ARMC2: variants seen among roughly 807,000 people sequenced by gnomAD.
ARMC2 encodes armadillo repeat-containing protein 2.
In ARMC2, 67 loss-of-function variants were observed where a neutral mutation model predicts 90.3. The ratio of observed to expected loss-of-function variants is 0.74; its 90% confidence interval spans 0.61 to 0.91. The LOEUF (loss-of-function observed/expected upper bound fraction) is 0.91. Ranked by LOEUF, ARMC2 falls within the 40% of genes least tolerant of loss-of-function variation. The probability of loss-of-function intolerance (pLI) is 0.00; values close to 1 mark genes in which losing one functional copy is unlikely to be tolerated. For synonymous variants in ARMC2, 393 were observed against 393.0 expected (o/e 1.00, Z 0.00); for missense variants, 920 against 1,030.9 (o/e 0.89, Z 1.47).
downstream of ARMC2, among the ~76,000 whole-genome samples, chr6:108,975,089 A>G (rs1778959029): frequency 6.6e-6 from 1 of 151,418 alleles, no homozygotes; most frequent in South Asian, 2.1e-4. Flanking sequence ...CATGTGCCGT[A>G]GTGGTTTGTT....
chr6:109,051,282 T>G, the ARMC2 span, among the ~76,000 whole-genome samples: 1 of 152,166 alleles, frequency 6.6e-6, no homozygotes, highest in Non-Finnish European at 1.5e-5. Context: ...AGGATCAGAA[T>G]ATTATAAAGA....
intron 17 of ARMC2, among the ~76,000 whole-genome samples, chr6:108,966,253 A>G (rs146106829): frequency 2.0e-4 from 30 of 151,750 alleles, no homozygotes; most frequent in African/African-American, 6.8e-4. Context: ...CACTAACCAG[A>G]GCAGAGGCTC....
At chr6:108,921,919 A>G (rs769966635) in intron 10 of ARMC2, among the ~76,000 whole-genome samples, 3 of 152,186 alleles carry the variant, frequency 2.0e-5, no homozygotes, top group Non-Finnish European at 4.4e-5. Flanking sequence ...TGCCAAATAG[A>G]GTAGGGAGGC....
the ARMC2 span, among the ~76,000 whole-genome samples, chr6:109,048,653 T>G: frequency 6.6e-6 from 1 of 152,192 alleles, no homozygotes; most frequent in African/African-American, 2.4e-5. Flanking sequence ...GGAGAATTTT[T>G]TTTATGTCAA....
At chr6:108,910,057 T>A (rs1397833184) in intron 8 of ARMC2, among the ~76,000 whole-genome samples, 1 of 152,216 alleles carries the variant, frequency 6.6e-6, no homozygotes, top group Admixed American at 6.5e-5. Flanking sequence ...TTGGTATTCA[T>A]CTTCCTCTAC....
chr6:108,952,962 A>G (rs1261832034), intron 12 of ARMC2, 71 bp from the exon 13 acceptor site: 13 of 1,359,844 alleles, frequency 9.6e-6, no homozygotes, highest in Non-Finnish European at 1.2e-5. Flanking sequence ...AATAAATTAA[A>G]TACTATCTTC....
At chr6:108,991,078 AC>A in the ARMC2 span, among the ~76,000 whole-genome samples, 11,282 of 149,278 alleles carry the variant, frequency 0.076, 584 homozygotes, top group South Asian at 0.16. Context: ...AAAAAAAACA[AC>A]AACAAAAAAA....
the ARMC2 span, among the ~76,000 whole-genome samples, chr6:109,006,424 A>G: frequency 6.6e-6 from 1 of 151,148 alleles, no homozygotes; most frequent in African/African-American, 2.4e-5. Context: ...CATTAGGTAT[A>G]TCTCCTAATG....
At chr6:109,002,300 C>CT in the ARMC2 span, 1 of 1,613,370 alleles carries the variant, frequency 6.2e-7, no homozygotes, top group Non-Finnish European at 8.5e-7. Context: ...GATGAATCTG[C>CT]TTGGTCCCTG....
chr6:108,881,023 T>C (rs1466710413), intron 5 of ARMC2, among the ~76,000 whole-genome samples: 1 of 151,970 alleles, frequency 6.6e-6, no homozygotes, highest in Non-Finnish European at 1.5e-5. Context: ...GCCAAGCTAA[T>C]TTTTGTATTT....
chr6:109,035,400 T>C, the ARMC2 span, among the ~76,000 whole-genome samples: 4 of 152,082 alleles, frequency 2.6e-5, no homozygotes, highest in African/African-American at 4.8e-5. Flanking sequence ...AATTTTCTTA[T>C]AGGATTGAAG....
chr6:109,014,396 C>A, the ARMC2 span, among the ~76,000 whole-genome samples: 2 of 152,120 alleles, frequency 1.3e-5, no homozygotes, highest in African/African-American at 4.8e-5. Context: ...AAAGTATGGG[C>A]AACTTGACCA....
intron 10 of ARMC2, chr6:108,922,969 A>G (rs898207501): frequency 1.3e-5 from 2 of 152,204 alleles, no homozygotes; most frequent in Non-Finnish European, 2.9e-5. Context: ...AAGCAAGGAA[A>G]CTTACATTTG....
intron 13 of ARMC2, chr6:108,959,385 A>AG (rs1270290318): frequency 6.6e-6 from 1 of 152,300 alleles, no homozygotes; most frequent in African/African-American, 2.4e-5. Context: ...TGCTCCCCAA[A>AG]GAAAAACTTC....
the ARMC2 span, among the ~76,000 whole-genome samples, chr6:109,052,374 C>T: frequency 6.6e-6 from 1 of 152,068 alleles, no homozygotes; most frequent in East Asian, 1.9e-4. Flanking sequence ...AATATATAAG[C>T]ATAGACACAA....
At chr6:108,899,256 C>A (rs1174272148) in intron 6 of ARMC2, among the ~76,000 whole-genome samples, 1 of 152,162 alleles carries the variant, frequency 6.6e-6, no homozygotes. Context: ...TTAGTGTAGA[C>A]ATTTTATTTC....
At chr6:108,877,761 G>A (rs1360477523) in intron 5 of ARMC2, among the ~76,000 whole-genome samples, 2 of 152,232 alleles carry the variant, frequency 1.3e-5, no homozygotes, top group Admixed American at 1.3e-4. Context: ...AGATGTGGCA[G>A]AATAATCTGG....
chr6:108,905,706 T>G (rs1267024179), intron 8 of ARMC2, among the ~76,000 whole-genome samples: 1 of 152,206 alleles, frequency 6.6e-6, no homozygotes, highest in Non-Finnish European at 1.5e-5. Flanking sequence ...AAAGGCTAAG[T>G]GATCTGCCAG....
intron 12 of ARMC2, among the ~76,000 whole-genome samples, chr6:108,944,830 A>G (rs917421644): frequency 4.6e-5 from 7 of 152,138 alleles, no homozygotes; most frequent in South Asian, 4.1e-4. Context: ...TGGCTCACCA[A>G]CAGTCTCAAT....
Sources: allele counts gnomAD v4.1 joint callset (sites outside exome capture counted in the v4.1 genomes callset), GRCh38; gene constraint gnomAD v4.1.1; transcripts MANE v1.5; gene names NCBI Gene and HGNC (gene_info 2026-07-23, HGNC 2026-07-21).